The following RELN variants were observed in gnomAD, a reference collection of about 807,000 sequenced individuals.
RELN encodes reelin.
A neutral mutation model predicts 427.6 loss-of-function variants in RELN; 108 were observed. The ratio of observed to expected loss-of-function variants is 0.25; its 90% CI spans 0.22 to 0.30. RELN has a LOEUF of 0.30. RELN is among the 10% of genes least tolerant of loss of function. RELN has a pLI of 1.00. For synonymous variants in RELN, 1,524 were observed against 1,513.4 expected, an observed-to-expected ratio of 1.01 and a Z score of -0.16; for missense variants, 3,715 against 4,302.8, an observed-to-expected ratio of 0.86 and a Z score of 3.82.
Position 103,489,917 on chromosome 7 carries a change from A to G in RELN, c.9606-18T>C. On this transcript the variant is annotated intron_variant, in intron 59 of 64. Transcript: ENST00000428762. ...GTGTTGCACTGAAAGAACCACAGAG[A>G]GCAGAAGGGATTCAGTAGGTTGTTA... 6.2e-7 allele frequency: 1 copy of G among 1,613,872 alleles called. No individual in the cohort carries two copies. Among genetic ancestry groups the G allele is most frequent in the Non-Finnish European group, 8.5e-7 (1 of 1,179,962 alleles).
At chr7:103,914,266 T>G (rs62481169) in intron 2 of RELN, among the ~76,000 whole-genome samples, 3,457 of 152,176 alleles carry the variant, frequency 0.023, 72 homozygotes, top group Non-Finnish European at 0.038. Flanking sequence ...ACAACACACT[T>G]AGGAATGATC....
chr7:103,796,006 G>T (rs568285468), intron 3 of RELN, among the ~76,000 whole-genome samples: 2 of 152,240 alleles, frequency 1.3e-5, no homozygotes, highest in African/African-American at 2.4e-5. Context: ...GTAAATAATA[G>T]AACAAGCTTC....
chr7:103,762,250 T>A (rs995918986), intron 4 of RELN, among the ~76,000 whole-genome samples: 2 of 152,126 alleles, frequency 1.3e-5, no homozygotes, highest in African/African-American at 4.8e-5. Flanking sequence ...GGCGCCTAGA[T>A]TTGGAAGCTA....
chr7:103,777,883 T>TCACA (rs201873652), intron 3 of RELN, among the ~76,000 whole-genome samples: 9,228 of 143,762 alleles, frequency 0.064, 686 homozygotes, highest in African/African-American at 0.18. Context: ...TGTTATACCT[T>TCACA]CACACACACA....
At position 103,589,757 on chromosome 7, in the gene RELN, A is replaced by G; in HGVS notation, c.3984T>C (p.Gly1328=). ...CTTCTTTCACCAGAAACCAGGACAT[A>G]CCAGCATCATGAGAGTACTGAAGAA... is the stretch of plus-strand genomic sequence containing the variant. The part of the protein sequence containing the change: ...PVLLQYSHDA[G]MSWFLVKEGC... Residue 1328 remains glycine (G), a synonymous_variant, in exon 28 of 65, where the codon GGT becomes GGC. Transcript: ENST00000428762. 6.2e-7 allele frequency: 1 copy of G among 1,613,932 alleles called. No homozygotes were observed. Among genetic ancestry groups the G allele is most frequent in the Non-Finnish European group, 8.5e-7 (1 of 1,179,784 alleles).
chr7:103,542,632 C>T, intron 43 of RELN, 99 bp downstream of exon 43: 1 of 1,247,868 alleles, frequency 8.0e-7, no homozygotes, highest in Non-Finnish European at 1.2e-6. Context: ...CAATGGAAGG[C>T]CTTGTCCTTG....
At chr7:103,930,694 T>G (rs1795842660) in intron 1 of RELN, among the ~76,000 whole-genome samples, 2 of 152,126 alleles carry the variant, frequency 1.3e-5, no homozygotes, top group Non-Finnish European at 1.5e-5. Context: ...CTCTAACTCC[T>G]GGGCTCAAGC....
chr7:103,658,298 A>G (rs1184507816), intron 12 of RELN, among the ~76,000 whole-genome samples: 1 of 152,154 alleles, frequency 6.6e-6, no homozygotes, highest in Non-Finnish European at 1.5e-5. Flanking sequence ...TCAGGGCCTG[A>G]GAGGGAGAGA....
intron 50 of RELN, among the ~76,000 whole-genome samples, chr7:103,512,405 T>G (rs1298427986): frequency 6.6e-6 from 1 of 152,212 alleles, no homozygotes; most frequent in Non-Finnish European, 1.5e-5. Context: ...AATATTTGAT[T>G]ATTTATGTAT....
At chr7:103,542,187 T>C (rs1308415849) in intron 43 of RELN, among the ~76,000 whole-genome samples, 1 of 152,222 alleles carries the variant, frequency 6.6e-6, no homozygotes, top group African/African-American at 2.4e-5. Context: ...ATTTAGAAAA[T>C]GACTGCTTAG....
At chr7:103,842,907 C>CCCATTCCT (rs1793587578) in intron 2 of RELN, among the ~76,000 whole-genome samples, 1 of 152,106 alleles carries the variant, frequency 6.6e-6, no homozygotes, top group Non-Finnish European at 1.5e-5. Context: ...CCATTCCTCT[C>CCCATTCCT]CCAGAACTAC....
intron 27 of RELN, 123 bp downstream of exon 27, chr7:103,593,559 G>T: frequency 1.2e-6 from 1 of 839,018 alleles, no homozygotes; most frequent in East Asian, 2.6e-5. Flanking sequence ...TTAAGCTTTC[G>T]TACAGGTGAG....
At chr7:103,474,505 G>T (rs1001402804) in intron 64 of RELN, among the ~76,000 whole-genome samples, 4 of 152,000 alleles carry the variant, frequency 2.6e-5, no homozygotes, top group African/African-American at 9.7e-5. Context: ...AATATTACAT[G>T]TATCAACTAA....
rs12155119 is a variant in RELN, at chr7:103,743,466, G to T, written c.656+5960C>A. Among the ~76,000 whole-genome samples the T allele has an allele frequency of 4.9e-3, 745 of 152,238 alleles. 9 individuals are homozygous for T. Among genetic ancestry groups the T allele is most frequent in the South Asian group, 0.039 (185 of 4,804 alleles). On this transcript the variant is annotated intron_variant, in intron 6 of 64. Coordinates refer to ENST00000428762, the MANE Select transcript of RELN (RefSeq NM_005045.4). ...TGCTCCAATTAAAAGACACAGACTG[G>T]CAAATTGGATAAAGACTCAAGACCC...
intron 2 of RELN, among the ~76,000 whole-genome samples, chr7:103,903,609 C>T (rs1253441379): frequency 6.6e-6 from 1 of 152,076 alleles, no homozygotes; most frequent in East Asian, 1.9e-4. Flanking sequence ...TTAGTGGCAA[C>T]TTCTGTCAGA....
intron 20 of RELN, among the ~76,000 whole-genome samples, chr7:103,625,425 C>T (rs1416122027): frequency 6.6e-6 from 1 of 152,172 alleles, no homozygotes; most frequent in Non-Finnish European, 1.5e-5. Context: ...CTTTAAATTT[C>T]AGAGAATGCT....
chr7:103,979,550 C>T (rs1305428286), intron 1 of RELN, among the ~76,000 whole-genome samples: 2 of 152,200 alleles, frequency 1.3e-5, no homozygotes, highest in African/African-American at 4.8e-5. Context: ...AATAACTCCA[C>T]AAAGGCAAGT....
chr7:103,721,871 C>T (rs1790084156), intron 8 of RELN, among the ~76,000 whole-genome samples: 1 of 152,086 alleles, frequency 6.6e-6, no homozygotes, highest in Admixed American at 6.5e-5. Context: ...CTCTAAGTTG[C>T]CTGTCACGCT....
intron 2 of RELN, among the ~76,000 whole-genome samples, chr7:103,898,166 A>C (rs1373380457): frequency 6.6e-6 from 1 of 151,908 alleles, no homozygotes; most frequent in Non-Finnish European, 1.5e-5. Flanking sequence ...AGTTTTCTAC[A>C]GTTTCTTAAG....
Sources: gnomAD v4.1 joint callset for allele counts (sites outside exome capture counted in the v4.1 genomes callset) on GRCh38, gnomAD v4.1.1 for gene constraint, MANE v1.5 for transcripts, NCBI Gene and HGNC (gene_info 2026-07-23, HGNC 2026-07-21) for gene names.